The following ARHGAP8 variants were observed in gnomAD, a reference collection of about 807,000 sequenced individuals.
The protein encoded by ARHGAP8 is rho GTPase-activating protein 8.
In ARHGAP8, 62 loss-of-function variants were observed where a neutral mutation model predicts 46.1. The ratio of observed to expected loss-of-function variants is 1.34; its 90% CI spans 1.10 to 1.66. The LOEUF is 1.66. ARHGAP8 is among the 40% of genes most tolerant of loss of function. The probability of loss-of-function intolerance (pLI) is 0.00; values close to 1 mark genes in which losing one functional copy is unlikely to be tolerated. For missense variants in ARHGAP8, 923 were observed against 568.4 expected (o/e 1.62, Z -6.34); for synonymous variants, 375 against 243.1 (o/e 1.54, Z -5.05).
chr22:44,848,071 T>C, intron 9 of ARHGAP8, 21 bp downstream of exon 9: 1 of 1,603,582 alleles, frequency 6.2e-7, no homozygotes, highest in Middle Eastern at 1.7e-4. Context: ...CCCGCAGTCC[T>C]GAGCCCCGAG....
intron 10 of ARHGAP8, among the ~76,000 whole-genome samples, chr22:44,856,091 T>C (rs2070214535): frequency 6.6e-6 from 1 of 151,986 alleles, no homozygotes; most frequent in African/African-American, 2.4e-5. Context: ...ACCAAAGAGA[T>C]GGTGCTAACC....
Position 44,859,686 on chromosome 22 carries a change from C to T in ARHGAP8, c.878-45C>T, listed in dbSNP as rs540689899. On this transcript the variant is annotated intron_variant, in intron 10 of 11. Coordinates refer to ENST00000356099, the MANE Select transcript of ARHGAP8 (RefSeq NM_181335.3). ...CTCCCGGGCCGGGATGCAGCGCTGC[C>T]CCTGGCCCCTCTGGAGCTCAGCAGG... The T allele has an allele frequency of 3.7e-6, 6 of 1,602,842 alleles. No individual in the cohort carries two copies. In the East Asian group the frequency reaches 6.7e-5, roughly 18 times the overall value.
At chr22:44,849,988 C>G (rs560935414) in intron 10 of ARHGAP8, 3 of 152,062 alleles carry the variant, frequency 2.0e-5, no homozygotes, top group African/African-American at 7.3e-5. Flanking sequence ...TGGTGTGACT[C>G]AAGATAGGGG....
At chr22:44,825,454 T>G in intron 6 of ARHGAP8, 29 bp from the exon 7 acceptor site, 146 of 1,586,148 alleles carry the variant, frequency 9.2e-5, no homozygotes, top group Non-Finnish European at 1.2e-4. Flanking sequence ...CCCTGCCAGG[T>G]GAGATCCCAG....
At chr22:44,759,002 A>G (rs1924912207) in intron 1 of ARHGAP8, among the ~76,000 whole-genome samples, 1 of 152,218 alleles carries the variant, frequency 6.6e-6, no homozygotes. Flanking sequence ...TGTGGATGGT[A>G]GGGATCATGG....
In ARHGAP8 at chr22:44,770,827, C is replaced by CTCAT. The variant is rs557352441; in HGVS notation, c.-71-15628_-71-15625dup. On this transcript the variant is annotated intron_variant, in intron 1 of 11. Coordinates refer to ENST00000356099, the MANE Select transcript of ARHGAP8 (RefSeq NM_181335.3). ...AGGTCTTTGCAGAATTCAGACCCCT[C>CTCAT]TCATTAATCCTCACCTTGTAGCCTT... is the stretch of plus-strand genomic sequence containing the variant. 1.4e-4 allele frequency among the ~76,000 whole-genome samples: 21 copies of CTCAT among 152,300 alleles called. No homozygotes were observed. In the East Asian group the frequency reaches 3.9e-3, roughly 28 times the overall value.
intron 1 of ARHGAP8, among the ~76,000 whole-genome samples, chr22:44,780,629 T>C (rs1732782226): frequency 6.6e-6 from 1 of 152,160 alleles, no homozygotes; most frequent in South Asian, 2.1e-4. Flanking sequence ...ACCACTGCAC[T>C]CCAGCCTGGG....
intron 7 of ARHGAP8, among the ~76,000 whole-genome samples, chr22:44,826,450 A>C (rs1930528488): frequency 6.6e-6 from 1 of 152,018 alleles, no homozygotes; most frequent in Admixed American, 6.5e-5. Context: ...GCGGGAACAG[A>C]GTCTTGCTCT....
rs2070540492 is a variant in ARHGAP8 at position 44,862,430 on chromosome 22, G to A, written c.1137G>A (p.Lys379=). The change falls in exon 12 of 12, where the codon AAG becomes AAA. Residue 379 remains lysine (K), a synonymous_variant. Transcript: ENST00000356099. ...FTELLIEYYE[K]IFSTPEAPGE... is the part of the protein sequence containing the mutation. The stretch of plus-strand genomic sequence containing the variant: ...AACTGCTGATCGAGTACTATGAAAA[G>A]ATCTTCAGCACCCCGGAGGCACCTG... The A allele has an allele frequency of 1.2e-6, 2 of 1,614,146 alleles. No individual in the cohort carries two copies. Among genetic ancestry groups the A allele is most frequent in the Non-Finnish European group, 8.5e-7 (1 of 1,180,016 alleles).
chr22:44,802,539 G>A (rs1255161705), intron 3 of ARHGAP8, among the ~76,000 whole-genome samples: 1 of 152,182 alleles, frequency 6.6e-6, no homozygotes, highest in Non-Finnish European at 1.5e-5. Flanking sequence ...ACCTCCCTGG[G>A]CCTCTCTCTG....
At chr22:44,833,096 C>CTT (rs533794156) in intron 7 of ARHGAP8, among the ~76,000 whole-genome samples, 12 of 120,430 alleles carry the variant, frequency 1.0e-4, no homozygotes, top group East Asian at 2.7e-4. Flanking sequence ...CTTTTCTTTT[C>CTT]TTTTTTTTTT....
At chr22:44,792,459 C>G (rs924917323) in intron 2 of ARHGAP8, among the ~76,000 whole-genome samples, 1 of 152,182 alleles carries the variant, frequency 6.6e-6, no homozygotes. Flanking sequence ...ACCCTAAGTG[C>G]AGTTCATGCA....
At chr22:44,762,846 T>G (rs946849534) in intron 1 of ARHGAP8, among the ~76,000 whole-genome samples, 4 of 152,150 alleles carry the variant, frequency 2.6e-5, no homozygotes, top group South Asian at 2.1e-4. Flanking sequence ...TCCCAGCGAT[T>G]ATGAGCTCTC....
chr22:44,802,006 C>CT (rs1928590540), intron 2 of ARHGAP8, 71 bp from the exon 3 acceptor site: 1 of 1,594,526 alleles, frequency 6.3e-7, no homozygotes, highest in South Asian at 1.1e-5. Context: ...AAGGAGGCTG[C>CT]TTTTTGCTAA....
chr22:44,850,197 G>A (rs2070059384), intron 10 of ARHGAP8: 1 of 152,160 alleles, frequency 6.6e-6, no homozygotes, highest in African/African-American at 2.4e-5. Flanking sequence ...GTGCTCCTAA[G>A]CGCCTGCCAA....
At position 44,862,782 on chromosome 22, in the gene ARHGAP8, T is replaced by A; in HGVS notation, c.*187T>A. ...TCCTGAGCTGTGGACCGGGATAGAATAATGCATTTGTTAGGATGGATGTTT... is the reference window on the plus strand; with the variant it reads ...TCCTGAGCTGTGGACCGGGATAGAAAAATGCATTTGTTAGGATGGATGTTT... On this transcript the variant is annotated 3_prime_UTR_variant, in exon 12 of 12. Coordinates refer to ENST00000356099, the MANE Select transcript of ARHGAP8 (RefSeq NM_181335.3). 1.5e-6 allele frequency: 1 copy of A among 677,184 alleles called. No individual in the cohort carries two copies. The highest frequency in any genetic ancestry group is 2.3e-6 in the Non-Finnish European group (1 of 439,900). The allele number at this position is 677,184 out of a possible 1,614,324, so 41.9% of individuals were successfully genotyped here. A position where few individuals can be genotyped will look rare whatever the true frequency, so the allele number is the denominator to read the frequency against.
intron 7 of ARHGAP8, among the ~76,000 whole-genome samples, chr22:44,841,727 A>C (rs1416346982): frequency 1.3e-5 from 2 of 152,180 alleles, no homozygotes; most frequent in African/African-American, 2.4e-5. Context: ...TAGCCTCTTG[A>C]CATGCCATTC....
At chr22:44,836,051 GGACT>G (rs1323921650) in intron 7 of ARHGAP8, among the ~76,000 whole-genome samples, 1 of 151,950 alleles carries the variant, frequency 6.6e-6, no homozygotes, top group Non-Finnish European at 1.5e-5. Flanking sequence ...AGAGTTTTGG[GGACT>G]GACCTCACTA....
At chr22:44,781,006 C>T (rs955242802) in intron 1 of ARHGAP8, among the ~76,000 whole-genome samples, 4 of 152,164 alleles carry the variant, frequency 2.6e-5, no homozygotes, top group African/African-American at 9.7e-5. Context: ...TTCCAGGTAT[C>T]CCCTGGGTTC....
Sources: allele counts gnomAD v4.1 joint callset (sites outside exome capture counted in the v4.1 genomes callset), GRCh38; gene constraint gnomAD v4.1.1; transcripts MANE v1.5; gene names NCBI Gene and HGNC (gene_info 2026-07-23, HGNC 2026-07-21).